ROBO1: variants seen among roughly 807,000 people sequenced by gnomAD.
ROBO1 encodes the protein roundabout guidance receptor 1.
A neutral mutation model predicts 195.9 loss-of-function variants in ROBO1; 149 were observed. The observed-to-expected ratio is 0.76, with a 90% confidence interval of 0.67 to 0.87. The LOEUF (loss-of-function observed/expected upper bound fraction) is 0.87. Ranked by LOEUF, ROBO1 falls within the 40% of genes least tolerant of loss-of-function variation. ROBO1 has a pLI of 0.00. For synonymous variants in ROBO1, 816 were observed against 733.2 expected, an observed-to-expected ratio of 1.11 and a Z score of -1.82; for missense variants, 1,933 against 2,068.3, an observed-to-expected ratio of 0.93 and a Z score of 1.27.
At chr3:79,053,332 C>A (rs1480492114) in intron 3 of ROBO1, among the ~76,000 whole-genome samples, 1 of 151,980 alleles carries the variant, frequency 6.6e-6, no homozygotes, top group Non-Finnish European at 1.5e-5. Flanking sequence ...ATATCTAACT[C>A]CAGTGACTTT....
chr3:78,799,814 G>T (rs1222172038), intron 4 of ROBO1, among the ~76,000 whole-genome samples: 2 of 152,082 alleles, frequency 1.3e-5, no homozygotes, highest in Non-Finnish European at 2.9e-5. Context: ...TCCCCAGTGG[G>T]ACTCTCCTAA....
At chr3:78,650,581 T>C (rs1410827807) in intron 19 of ROBO1, among the ~76,000 whole-genome samples, 1 of 152,182 alleles carries the variant, frequency 6.6e-6, no homozygotes, top group Non-Finnish European at 1.5e-5. Context: ...AAATTCTGAC[T>C]TTGTCATATA....
At chr3:79,484,399 T>C (rs914498775) in intron 2 of ROBO1, among the ~76,000 whole-genome samples, 1 of 152,170 alleles carries the variant, frequency 6.6e-6, no homozygotes, top group Admixed American at 6.5e-5. Flanking sequence ...AAAGATGCTA[T>C]TTATTCTTGT....
At chr3:79,428,637 C>G (rs1392550697) in intron 2 of ROBO1, among the ~76,000 whole-genome samples, 1 of 152,006 alleles carries the variant, frequency 6.6e-6, no homozygotes, top group African/African-American at 2.4e-5. Context: ...AGAAGTTTTA[C>G]CCAAGAGAAA....
At chr3:79,200,979 C>G (rs2081752429) in intron 2 of ROBO1, among the ~76,000 whole-genome samples, 1 of 151,758 alleles carries the variant, frequency 6.6e-6, no homozygotes, top group Admixed American at 6.6e-5. Flanking sequence ...GTGAAATTTT[C>G]TTGTGAATGA....
intron 26 of ROBO1, among the ~76,000 whole-genome samples, chr3:78,622,571 A>G (rs757915846): frequency 4.6e-5 from 7 of 152,310 alleles, no homozygotes; most frequent in African/African-American, 1.7e-4. Context: ...GTCCATAGCA[A>G]TATCTCCCAT....
intron 1 of ROBO1, among the ~76,000 whole-genome samples, chr3:79,619,279 C>T (rs1444123778): frequency 6.6e-6 from 1 of 152,128 alleles, no homozygotes; most frequent in African/African-American, 2.4e-5. Context: ...TTCTCTGTGT[C>T]TCTACCTTTC....
chr3:79,522,418 C>T (rs1941248187), intron 2 of ROBO1, among the ~76,000 whole-genome samples: 1 of 151,718 alleles, frequency 6.6e-6, no homozygotes, highest in African/African-American at 2.4e-5. Flanking sequence ...GATTGAGAGA[C>T]CACCTCTCTG....
intron 3 of ROBO1, among the ~76,000 whole-genome samples, chr3:79,048,340 T>C (rs2078633401): frequency 6.6e-6 from 1 of 152,150 alleles, no homozygotes; most frequent in Non-Finnish European, 1.5e-5. Flanking sequence ...CTAGTTTTGT[T>C]CATTCTCAAT....
At chr3:79,602,589 A>G (rs1013841689) in intron 1 of ROBO1, among the ~76,000 whole-genome samples, 3 of 152,016 alleles carry the variant, frequency 2.0e-5, no homozygotes, top group Non-Finnish European at 4.4e-5. Context: ...GGCTGGTGAG[A>G]AGGCTACTGC....
In ROBO1 at chr3:78,614,194, A is replaced by T. The variant is rs550710551; in HGVS notation, c.4435+454T>A. Among the ~76,000 whole-genome samples the T allele has an allele frequency of 2.2e-3, 333 of 152,332 alleles. 5 individuals carry two copies. The highest frequency in any genetic ancestry group is 7.6e-3 in the African/African-American group (315 of 41,582). On this transcript the variant is annotated intron_variant, in intron 28 of 30. Transcript: ENST00000464233. ...AAAGGTGATTTATCTTTTGATGCCCAAAATAACTGTTCGTAACACCACTGT... is the reference window on the plus strand; with the variant it reads ...AAAGGTGATTTATCTTTTGATGCCCTAAATAACTGTTCGTAACACCACTGT...
intron 1 of ROBO1, among the ~76,000 whole-genome samples, chr3:79,747,222 T>G (rs925974245): frequency 7.2e-5 from 11 of 152,104 alleles, no homozygotes; most frequent in Admixed American, 2.6e-4. Flanking sequence ...AATCTTAGAG[T>G]GTGCTCAGTT....
chr3:79,170,713 T>A (rs1259845106), intron 2 of ROBO1, among the ~76,000 whole-genome samples: 2 of 152,130 alleles, frequency 1.3e-5, no homozygotes, highest in African/African-American at 4.8e-5. Flanking sequence ...CAAGTTATTT[T>A]TTTTTCTCTT....
At chr3:79,005,338 CT>C (rs1233257317) in intron 3 of ROBO1, among the ~76,000 whole-genome samples, 2 of 152,190 alleles carry the variant, frequency 1.3e-5, no homozygotes, top group Admixed American at 6.5e-5. Context: ...AGGGCTGCCC[CT>C]GATAGATGTC....
intron 1 of ROBO1, among the ~76,000 whole-genome samples, chr3:79,666,617 C>T (rs533163247): frequency 6.6e-6 from 1 of 151,842 alleles, no homozygotes; most frequent in Admixed American, 6.6e-5. Context: ...TCCACTTTCA[C>T]TTGACTCTCA....
At chr3:79,380,791 G>A (rs2036542543) in intron 2 of ROBO1, among the ~76,000 whole-genome samples, 1 of 151,994 alleles carries the variant, frequency 6.6e-6, no homozygotes, top group Non-Finnish European at 1.5e-5. Context: ...ACTAACAAAA[G>A]GTGGCAGAAG....
At chr3:79,687,470 C>T (rs1185102157) in intron 1 of ROBO1, among the ~76,000 whole-genome samples, 1 of 152,086 alleles carries the variant, frequency 6.6e-6, no homozygotes, top group East Asian at 1.9e-4. Flanking sequence ...TCGCAATGTA[C>T]TCATCTGACA....
intron 28 of ROBO1, 78 bp from the exon 29 acceptor site, chr3:78,607,119 G>T (rs1022474950): frequency 2.9e-6 from 4 of 1,363,380 alleles, no homozygotes; most frequent in Admixed American, 2.4e-5. Flanking sequence ...TATCATTGGA[G>T]CCACATTCAC....
rs184296019 is a variant in ROBO1 at position 78,749,840 on chromosome 3, T to C, written c.500-2940A>G. Among the ~76,000 whole-genome samples, 547 of 152,284 alleles carry C rather than the reference T, an allele frequency of 3.6e-3. 6 individuals are homozygous for C. The highest frequency in any genetic ancestry group is 0.013 in the African/African-American group (521 of 41,568). ...AACCATTTCTATTAACCAAAGTATA[T>C]ATACTTTTAATGTTTCTTGATTTGA... On this transcript the variant is annotated intron_variant, in intron 4 of 30. Coordinates refer to ENST00000464233, the MANE Select transcript of ROBO1 (RefSeq NM_002941.4).
Sources: gnomAD v4.1 joint callset for allele counts (sites outside exome capture counted in the v4.1 genomes callset) on GRCh38, gnomAD v4.1.1 for gene constraint, MANE v1.5 for transcripts, NCBI Gene and HGNC (gene_info 2026-07-23, HGNC 2026-07-21) for gene names.